The following NSMCE1 variants were observed in gnomAD, a reference collection of about 807,000 sequenced individuals.
NSMCE1 encodes the protein non-structural maintenance of chromosomes element 1 homolog.
In NSMCE1, 18 loss-of-function variants were observed where a neutral mutation model predicts 29.6. That is an observed-to-expected ratio of 0.61 (90% CI 0.42 to 0.90). The LOEUF (loss-of-function observed/expected upper bound fraction) is 0.90. Ranked by LOEUF, NSMCE1 falls within the 40% of genes least tolerant of loss-of-function variation. The pLI, the probability that NSMCE1 is intolerant of heterozygous loss-of-function variation, is 0.00. For synonymous variants in NSMCE1, 124 were observed against 133.4 expected, an observed-to-expected ratio of 0.93 and a Z score of 0.49; for missense variants, 314 against 343.6, an observed-to-expected ratio of 0.91 and a Z score of 0.68.
intron 2 of NSMCE1, among the ~76,000 whole-genome samples, chr16:27,236,012 C>T (rs1396304300): frequency 6.6e-6 from 1 of 152,202 alleles, no homozygotes; most frequent in Non-Finnish European, 1.5e-5. Flanking sequence ...CAGAGTTGCA[C>T]CACAAGGCCG....
At chr16:27,266,829 G>C (rs1034873345) in intron 1 of NSMCE1, among the ~76,000 whole-genome samples, 1 of 151,218 alleles carries the variant, frequency 6.6e-6, no homozygotes, top group African/African-American at 2.4e-5. Flanking sequence ...TTTTATTCAA[G>C]AACAAAAACT....
chr16:27,229,118 C>G (rs1195735250), intron 5 of NSMCE1, among the ~76,000 whole-genome samples: 1 of 152,224 alleles, frequency 6.6e-6, no homozygotes, highest in South Asian at 2.1e-4. Flanking sequence ...TCCGTCTGCT[C>G]GCCTCGCAAT....
At chr16:27,253,589 G>A (rs1489699789) in intron 2 of NSMCE1, among the ~76,000 whole-genome samples, 6 of 152,096 alleles carry the variant, frequency 3.9e-5, no homozygotes, top group Admixed American at 3.9e-4. Flanking sequence ...TCAAACCCAA[G>A]CCTTCTCCAC....
chr16:27,263,722 T>G (rs562136760), intron 1 of NSMCE1, among the ~76,000 whole-genome samples: 1 of 152,320 alleles, frequency 6.6e-6, no homozygotes, highest in African/African-American at 2.4e-5. Flanking sequence ...ATGATCATCT[T>G]AATGATGCAG....
At chr16:27,240,671 C>A (rs1019123094) in intron 2 of NSMCE1, among the ~76,000 whole-genome samples, 1 of 152,236 alleles carries the variant, frequency 6.6e-6, no homozygotes. Context: ...GTGACAAGCA[C>A]TGAACAAAAC....
intron 1 of NSMCE1, among the ~76,000 whole-genome samples, chr16:27,261,323 T>A (rs1405944444): frequency 6.6e-6 from 1 of 151,426 alleles, no homozygotes; most frequent in Admixed American, 6.6e-5. Flanking sequence ...AAAAACATAA[T>A]AAAAGTGAAA....
At chr16:27,226,991 C>T (rs191232814) in intron 5 of NSMCE1, among the ~76,000 whole-genome samples, 155 bp from the exon 6 acceptor site, 19 of 152,292 alleles carry the variant, frequency 1.2e-4, no homozygotes, top group African/African-American at 4.1e-4. Context: ...CAGCCACATC[C>T]CCCTGGCAGA....
chr16:27,225,795 T>G lies in NSMCE1; in HGVS notation c.652A>C (p.Lys218Gln). 1 of 1,614,160 alleles carries G rather than the reference T, an allele frequency of 6.2e-7. No individual in the cohort carries two copies. The highest frequency in any genetic ancestry group is 8.5e-7 in the Non-Finnish European group (1 of 1,180,032). The change falls in exon 7 of 8, where the codon AAG becomes CAG. Residue 218 changes from lysine (K) to glutamine (Q), a missense_variant. Coordinates refer to ENST00000361439, the MANE Select transcript of NSMCE1 (RefSeq NM_145080.4). ...GGTTCAGCATTCGACTGGAAGTACT[T>G]GGCCACGCAGGGTAAGTGCATCCTG... ...GIRMHLPCVAKYFQSNAEPRC... is the reference protein window; with the variant it reads ...GIRMHLPCVAQYFQSNAEPRC...
intron 2 of NSMCE1, among the ~76,000 whole-genome samples, chr16:27,238,206 C>A (rs1008886695): frequency 1.3e-5 from 2 of 152,212 alleles, no homozygotes; most frequent in African/African-American, 2.4e-5. Context: ...CTCTGTGGGG[C>A]CCTGCGTGAG....
chr16:27,231,473 C>A (rs1167001663), intron 5 of NSMCE1, among the ~76,000 whole-genome samples: 1 of 152,102 alleles, frequency 6.6e-6, no homozygotes, highest in Non-Finnish European at 1.5e-5. Flanking sequence ...CCCGTCTCTA[C>A]TAAAAATAGA....
chr16:27,232,954 A>G lies in NSMCE1; in HGVS notation c.483+47T>C. ...GTACGATTTTGGAGAAAAAACTGTT[A>G]TTCACTTGAAAAAGTGAACCAGGCT... On this transcript the variant is annotated intron_variant, in intron 5 of 7. Coordinates refer to ENST00000361439, the MANE Select transcript of NSMCE1 (RefSeq NM_145080.4). This position sits in a 1 kb window ranked among gnomAD's most constrained non-coding sequence, Gnocchi z 4.5. 1 of 1,595,276 alleles carries G rather than the reference A, an allele frequency of 6.3e-7. No individual in the cohort carries two copies.
chr16:27,251,158 A>AT (rs2084024083), intron 2 of NSMCE1, among the ~76,000 whole-genome samples: 1 of 65,916 alleles, frequency 1.5e-5, no homozygotes, highest in South Asian at 5.7e-4. Flanking sequence ...TAATTATTTA[A>AT]AATATATATA....
intron 2 of NSMCE1, among the ~76,000 whole-genome samples, chr16:27,236,292 C>CTTTTT (rs35108912): frequency 1.1e-5 from 1 of 92,154 alleles, no homozygotes; most frequent in Non-Finnish European, 2.0e-5. Context: ...TGCTGTGAAA[C>CTTTTT]TTTTTTTTTT....
Position 27,226,969 on chromosome 16 carries a change from G to A in NSMCE1, c.484-133C>T, listed in dbSNP as rs59899931. 874 of 646,828 alleles carry A rather than the reference G, an allele frequency of 1.4e-3. 14 individuals carry two copies. The African/African-American group carries it at 0.014, about 11-fold the overall frequency. 40.1% of individuals were successfully genotyped at this position (646,828 alleles called of 1,614,324 possible). A position where few individuals can be genotyped will look rare whatever the true frequency, so the allele number is the denominator to read the frequency against. On this transcript the variant is annotated intron_variant, in intron 5 of 7. Transcript: ENST00000361439. ...TCTACGCAGCTTTTCACCAACCCCA[G>A]CCAACGGGCATCAGCCACATCCCCC...
chr16:27,268,661 T>A (rs1484193107), intron 1 of NSMCE1, 45 bp downstream of exon 1: 1 of 152,632 alleles, frequency 6.6e-6, no homozygotes, highest in Non-Finnish European at 1.5e-5. Context: ...TTCCTTGAAG[T>A]CCCTCTTCTT....
At chr16:27,236,903 TAGAC>T (rs2083832010) in intron 2 of NSMCE1, among the ~76,000 whole-genome samples, 2 of 152,204 alleles carry the variant, frequency 1.3e-5, no homozygotes, top group Non-Finnish European at 2.9e-5. Context: ...GATTTCTTAT[TAGAC>T]AGAGGCATTT....
In NSMCE1 at chr16:27,226,701, T is replaced by C; in HGVS notation, c.600+19A>G. 6.5e-7 allele frequency: 1 copy of C among 1,527,618 alleles called. No individual in the cohort carries two copies. The highest frequency in any genetic ancestry group is 1.4e-5 in the African/African-American group (1 of 73,626). 94.6% of individuals were successfully genotyped at this position (1,527,618 alleles called of 1,614,324 possible). On this transcript the variant is annotated intron_variant, in intron 6 of 7. Coordinates refer to ENST00000361439, the MANE Select transcript of NSMCE1 (RefSeq NM_145080.4). The stretch of plus-strand genomic sequence containing the variant: ...CCGAGGGCCCAGTGATGAGCTCCCG[T>C]GCCCTGCCCTGCGGGTACCTGGATG...
In NSMCE1 at chr16:27,231,512, T is replaced by C. The variant is rs141729013; in HGVS notation, c.483+1489A>G. Among the ~76,000 whole-genome samples the C allele has an allele frequency of 4.8e-3, 731 of 152,156 alleles. 21 individuals are homozygous for C. Among genetic ancestry groups the C allele is most frequent in the Admixed American group, 0.043 (652 of 15,288 alleles). Reference sequence around the variant, plus strand: ...ATTAGCCGGGTGTGATGGCGCATGCTTGTGATTCCAGCTACTTGGGAGGCT... The same window carrying C: ...ATTAGCCGGGTGTGATGGCGCATGCCTGTGATTCCAGCTACTTGGGAGGCT... On this transcript the variant is annotated intron_variant, in intron 5 of 7. Transcript: ENST00000361439.
At chr16:27,244,241 G>T (rs2083926649) in intron 2 of NSMCE1, among the ~76,000 whole-genome samples, 1 of 152,260 alleles carries the variant, frequency 6.6e-6, no homozygotes, top group Non-Finnish European at 1.5e-5. Context: ...TATCCGTGGA[G>T]GACTCAATTT....
Sources: gnomAD v4.1 joint callset for allele counts (sites outside exome capture counted in the v4.1 genomes callset) on GRCh38, gnomAD v4.1.1 for gene constraint, Gnocchi (gnomAD v3.1) non-coding constraint, MANE v1.5 for transcripts, NCBI Gene and HGNC (gene_info 2026-07-23, HGNC 2026-07-21) for gene names.